Variants in BCR observed in about 807,000 individuals in gnomAD.
The protein encoded by BCR is BCR activator of RhoGEF and GTPase, also known as breakpoint cluster region protein.
A neutral mutation model predicts 138.6 loss-of-function variants in BCR; 58 were observed. The ratio of observed to expected loss-of-function variants is 0.42; its 90% CI spans 0.34 to 0.52. BCR has a LOEUF of 0.52. BCR is among the 20% of genes least tolerant of loss of function. The pLI is 0.06. For synonymous variants in BCR, 786 were observed against 730.1 expected, an observed-to-expected ratio of 1.08 and a Z score of -1.23; for missense variants, 1,599 against 1,727.2, an observed-to-expected ratio of 0.93 and a Z score of 1.32.
chr22:23,260,095 T>C (rs1305892884), intron 2 of BCR, among the ~76,000 whole-genome samples: 1 of 152,246 alleles, frequency 6.6e-6, no homozygotes, highest in Non-Finnish European at 1.5e-5. Flanking sequence ...GGTTAGGGCT[T>C]CCACGTGAAT....
rs748301127 is a variant in BCR at position 23,295,015 on chromosome 22, G to A, written c.2881-9G>A. The A allele has an allele frequency of 3.7e-6, 6 of 1,613,654 alleles. No individual in the cohort carries two copies. The highest frequency in any genetic ancestry group is 5.1e-6 in the Non-Finnish European group (6 of 1,179,796). On this transcript the variant is annotated splice_polypyrimidine_tract_variant and intron_variant, in intron 15 of 22. Coordinates refer to ENST00000305877, the MANE Select transcript of BCR (RefSeq NM_004327.4). ...CACACTGGACTTCCCTTCTCCCTTG[G>A]GGCTGCAGGAATTTGAGATAGAGCT...
At chr22:23,295,520 A>T (rs2073835639) in intron 16 of BCR, among the ~76,000 whole-genome samples, 1 of 151,986 alleles carries the variant, frequency 6.6e-6, no homozygotes, top group African/African-American at 2.4e-5. Flanking sequence ...TTAGAAAAGC[A>T]CAGGGGTCCC....
intron 1 of BCR, among the ~76,000 whole-genome samples, chr22:23,189,438 A>G (rs569763691): frequency 6.6e-6 from 1 of 152,078 alleles, no homozygotes; most frequent in East Asian, 1.9e-4. Context: ...TGTCTGGCTG[A>G]TTTCACTCAA....
chr22:23,273,914 T>A lies in BCR; in HGVS notation c.2115+140T>A, dbSNP rs2073540513. ...GGGATTGGTGAGATTGGCCGCACAC[T>A]CAGTCCTGTGTGGAAGGTGTCTGGG... is the stretch of plus-strand genomic sequence containing the variant. On this transcript the variant is annotated intron_variant, in intron 8 of 22. Coordinates refer to ENST00000305877, the MANE Select transcript of BCR (RefSeq NM_004327.4). 4 of 1,243,700 alleles carry A rather than the reference T, an allele frequency of 3.2e-6. No homozygotes were observed. In the African/African-American group the frequency reaches 4.5e-5, roughly 14 times the overall value. The allele number at this position is 1,243,700 out of a possible 1,614,324, so 77.0% of individuals were successfully genotyped here.
At chr22:23,238,428 TGGA>T (rs1047794254) in intron 1 of BCR, among the ~76,000 whole-genome samples, 27 of 152,120 alleles carry the variant, frequency 1.8e-4, no homozygotes, top group African/African-American at 6.0e-4. Flanking sequence ...TAAATTCTGG[TGGA>T]GAATACAAAA....
At chr22:23,213,848 A>AG (rs1220904624) in intron 1 of BCR, among the ~76,000 whole-genome samples, 1 of 151,376 alleles carries the variant, frequency 6.6e-6, no homozygotes, top group Non-Finnish European at 1.5e-5. Context: ...AAAAAAAAAA[A>AG]AAGAAGAAGA....
At chr22:23,265,346 A>G (rs1357242788) in intron 4 of BCR, among the ~76,000 whole-genome samples, 1 of 152,260 alleles carries the variant, frequency 6.6e-6, no homozygotes, top group Non-Finnish European at 1.5e-5. Context: ...CCAAGGACAG[A>G]TAGGCCCGGT....
At chr22:23,265,007 C>G (rs1020551891) in intron 4 of BCR, 2 of 152,076 alleles carry the variant, frequency 1.3e-5, no homozygotes, top group Non-Finnish European at 2.9e-5. Flanking sequence ...GAAAAAAAAC[C>G]TAGTGGACGT....
intron 1 of BCR, among the ~76,000 whole-genome samples, chr22:23,246,779 A>G (rs1230799753): frequency 6.6e-6 from 1 of 152,068 alleles, no homozygotes; most frequent in Non-Finnish European, 1.5e-5. Context: ...TTTTTTGCCC[A>G]CTACTTCAAA....
chr22:23,208,821 C>G (rs1349512683), intron 1 of BCR, among the ~76,000 whole-genome samples: 1 of 152,120 alleles, frequency 6.6e-6, no homozygotes, highest in East Asian at 1.9e-4. Context: ...GTCCACTGCA[C>G]TCCAGCCTGG....
At position 23,253,962 on chromosome 22, in the gene BCR, C is replaced by A. The variant is rs755299554; in HGVS notation, c.1443C>A (p.Ala481=). 1.7e-5 allele frequency: 27 copies of A among 1,612,560 alleles called. 1 individual carries two copies. In the South Asian group the frequency reaches 3.0e-4, roughly 18 times the overall value. Residue 481 remains alanine (A), a synonymous_variant, in exon 2 of 23, where the codon GCC becomes GCA. Coordinates refer to ENST00000305877, the MANE Select transcript of BCR (RefSeq NM_004327.4). ...GCCGGGATGCGCTGGTCTCGGGAGC[C>A]CTGGAGTCCACTAAAGCGGTGAGTC... is the stretch of plus-strand genomic sequence containing the variant. The part of the protein sequence containing the change: ...RGSRDALVSG[A]LESTKASELD...
At chr22:23,291,035 C>G (rs2073780319) in intron 14 of BCR, 1 of 153,736 alleles carries the variant, frequency 6.5e-6, no homozygotes, top group South Asian at 2.0e-4. Context: ...TGGTGAAACC[C>G]TGTGTCTACT....
chr22:23,218,220 T>A (rs2072780123), intron 1 of BCR, among the ~76,000 whole-genome samples: 1 of 152,206 alleles, frequency 6.6e-6, no homozygotes, highest in African/African-American at 2.4e-5. Context: ...CAGGCAGATC[T>A]GGGCAGGCAG....
At chr22:23,265,978 G>C (rs2073436439) in intron 4 of BCR, among the ~76,000 whole-genome samples, 1 of 152,136 alleles carries the variant, frequency 6.6e-6, no homozygotes, top group Non-Finnish European at 1.5e-5. Context: ...CTCTGATTCA[G>C]GACCCGGTTT....
rs1602139823 is a variant in BCR, at chr22:23,315,519, C to G, written c.3813C>G (p.Val1271=). The G allele has an allele frequency of 3.7e-6, 6 of 1,612,174 alleles. No individual in the cohort carries two copies. Among genetic ancestry groups the G allele is most frequent in the Non-Finnish European group, 5.1e-6 (6 of 1,179,922 alleles). Residue 1271 remains valine, a synonymous_variant, in exon 23 of 23, where the codon GTC becomes GTG. Transcript: ENST00000305877. ...KRQSILFSTE[V] is the part of the protein sequence containing the mutation. ...AGAGCATCCTGTTCTCCACCGAAGT[C>G]TAAAGGTCCCAGTCCATCTCCTGGA...
chr22:23,263,387 C>A, intron 4 of BCR: 1 of 1,253,320 alleles, frequency 8.0e-7, no homozygotes. Flanking sequence ...TCGGCACCAA[C>A]CTGATGACCA....
Position 23,182,269 on chromosome 22 carries a change from C to T in BCR, c.1279+30C>T, listed in dbSNP as rs760238340. ...GTTCCTCACGCCACGTGCGTGGGCA[C>T]ACCTGCACGGGGGAGGAAAACCATA... is the stretch of plus-strand genomic sequence containing the variant. On this transcript the variant is annotated intron_variant, in intron 1 of 22. Transcript: ENST00000305877. 3.2e-5 allele frequency: 48 copies of T among 1,511,094 alleles called. 1 individual carries two copies. In the South Asian group the frequency reaches 5.7e-4, roughly 18 times the overall value. The allele number at this position is 1,511,094 out of a possible 1,614,324, so 93.6% of individuals were successfully genotyped here. A position where few individuals can be genotyped will look rare whatever the true frequency, so the allele number is the denominator to read the frequency against.
intron 16 of BCR, among the ~76,000 whole-genome samples, chr22:23,300,043 C>T (rs2073887685): frequency 6.6e-6 from 1 of 152,144 alleles, no homozygotes; most frequent in Non-Finnish European, 1.5e-5. Flanking sequence ...GTAAAATGTC[C>T]CAGGTGTTTT....
At chr22:23,250,256 C>CCACTGGGT (rs1256042134) in intron 1 of BCR, among the ~76,000 whole-genome samples, 22 of 152,234 alleles carry the variant, frequency 1.4e-4, no homozygotes, top group Non-Finnish European at 2.2e-4. Flanking sequence ...GTCATGGGCT[C>CCACTGGGT]GGAAAGCACT....
Sources: allele counts gnomAD v4.1 joint callset (sites outside exome capture counted in the v4.1 genomes callset), GRCh38; gene constraint gnomAD v4.1.1; transcripts MANE v1.5; gene names NCBI Gene and HGNC (gene_info 2026-07-23, HGNC 2026-07-21).